Variants in UBE2U observed in about 807,000 individuals in gnomAD.
The protein encoded by UBE2U is ubiquitin conjugating enzyme E2 U.
A neutral mutation model predicts 41.2 loss-of-function variants in UBE2U; 39 were observed. The ratio of observed to expected loss-of-function variants is 0.95; its 90% CI spans 0.73 to 1.24. The LOEUF is 1.24. UBE2U is among the 50% of genes most tolerant of loss of function. UBE2U has a pLI of 0.00. For missense variants in UBE2U, 336 were observed against 363.1 expected (o/e 0.93, Z 0.61); for synonymous variants, 107 against 117.8 (o/e 0.91, Z 0.60).
At chr1:64,250,347 C>A (rs1019224179) in intron 8 of UBE2U, among the ~76,000 whole-genome samples, 1 of 152,150 alleles carries the variant, frequency 6.6e-6, no homozygotes, top group Non-Finnish European at 1.5e-5. Context: ...TAAAAGCCTT[C>A]ACACAAAGAC....
chr1:64,205,851 C>T (rs1332103958), intron 2 of UBE2U, 131 bp downstream of exon 2: 7 of 586,880 alleles, frequency 1.2e-5, no homozygotes, highest in Non-Finnish European at 1.9e-5. Context: ...CATAAGTTTG[C>T]ATTATACCAG....
intron 6 of UBE2U, among the ~76,000 whole-genome samples, chr1:64,226,747 A>C (rs1652899722): frequency 6.6e-6 from 1 of 152,180 alleles, no homozygotes; most frequent in African/African-American, 2.4e-5. Flanking sequence ...TTAAAAAAAA[A>C]AAAAAGGTAT....
intron 4 of UBE2U, among the ~76,000 whole-genome samples, chr1:64,211,320 G>A (rs1235002852): frequency 6.6e-6 from 1 of 152,180 alleles, no homozygotes; most frequent in Non-Finnish European, 1.5e-5. Flanking sequence ...ATCAAACCCA[G>A]TGAACAATTT....
At chr1:64,260,097 A>G (rs940319627) in intron 8 of UBE2U, among the ~76,000 whole-genome samples, 10 of 152,040 alleles carry the variant, frequency 6.6e-5, no homozygotes, top group Non-Finnish European at 1.0e-4. Context: ...ATGCAGCTAT[A>G]AGCCATACAA....
intron 2 of UBE2U, among the ~76,000 whole-genome samples, chr1:64,206,391 G>T (rs1241685471): frequency 6.6e-6 from 1 of 151,888 alleles, no homozygotes; most frequent in African/African-American, 2.4e-5. Flanking sequence ...GAATCTGCCA[G>T]GTTCAGAAGA....
chr1:64,228,681 T>G (rs1416993507), intron 6 of UBE2U, among the ~76,000 whole-genome samples: 2 of 126,564 alleles, frequency 1.6e-5, no homozygotes, highest in Non-Finnish European at 3.1e-5. Context: ...TTTCTCTCTC[T>G]CTCTCTTTTT....
At chr1:64,251,653 T>TGAG in intron 8 of UBE2U, among the ~76,000 whole-genome samples, 1 of 151,908 alleles carries the variant, frequency 6.6e-6, no homozygotes, top group East Asian at 1.9e-4. Context: ...AGGCAGTGAG[T>TGAG]GAGTGTGTGA....
intron 7 of UBE2U, among the ~76,000 whole-genome samples, chr1:64,237,000 G>A (rs962313480): frequency 6.6e-6 from 1 of 152,130 alleles, no homozygotes. Context: ...CCAAGGCTGG[G>A]AAGGTCCTAG....
At chr1:64,242,279 T>G (rs1644848023) in intron 8 of UBE2U, among the ~76,000 whole-genome samples, 1 of 152,186 alleles carries the variant, frequency 6.6e-6, no homozygotes, top group South Asian at 2.1e-4. Flanking sequence ...TAATCTCATC[T>G]TTGGTCTTTT....
intron 9 of UBE2U, among the ~76,000 whole-genome samples, chr1:64,264,276 G>A (rs1333892526): frequency 6.6e-6 from 1 of 152,140 alleles, no homozygotes; most frequent in African/African-American, 2.4e-5. Context: ...TCCAACCCAA[G>A]AAAGGCATGG....
chr1:64,219,348 C>A (rs1652256795), intron 5 of UBE2U, among the ~76,000 whole-genome samples: 2 of 151,696 alleles, frequency 1.3e-5, no homozygotes, highest in Admixed American at 6.6e-5. Context: ...TTTAAACCTT[C>A]TTTTTATTCC....
intron 7 of UBE2U, among the ~76,000 whole-genome samples, chr1:64,237,384 T>C (rs1005849361): frequency 6.6e-6 from 1 of 150,644 alleles, no homozygotes; most frequent in Non-Finnish European, 1.5e-5. Flanking sequence ...AGAAGAACTA[T>C]ACTGTGGATG....
At chr1:64,216,666 T>C (rs1406298940) in intron 5 of UBE2U, among the ~76,000 whole-genome samples, 1 of 152,254 alleles carries the variant, frequency 6.6e-6, no homozygotes, top group East Asian at 1.9e-4. Flanking sequence ...CTGGAATTAA[T>C]TTTATTGTCC....
At position 64,267,168 on chromosome 1, in the gene UBE2U, C is replaced by G; in HGVS notation, c.914C>G (p.Ser305Cys). ...PREEEVEDLI[S>C]WTNTLNTNTS... ...GAAGAGGAAGTGGAAGATCTGATCT[C>G]CTGGACCAATACTCTCAATACAAAT... The change falls in exon 10 of 10, where the codon TCC becomes TGC. Residue 305 changes from serine to cysteine, a missense_variant. By Grantham distance (112) the Ser-to-Cys change is moderately radical. Transcript: ENST00000371077. The G allele has an allele frequency of 6.5e-7, 1 of 1,544,438 alleles. No individual in the cohort carries two copies. Among genetic ancestry groups the G allele is most frequent in the Non-Finnish European group, 8.7e-7 (1 of 1,145,550 alleles).
At chr1:64,266,804 A>T (rs1645261232) in intron 9 of UBE2U, among the ~76,000 whole-genome samples, 1 of 152,226 alleles carries the variant, frequency 6.6e-6, no homozygotes, top group Non-Finnish European at 1.5e-5. Context: ...TGCTAAATGA[A>T]TGAACTAACA....
At position 64,221,911 on chromosome 1, in the gene UBE2U, CTG is replaced by C. The variant is rs1267466527; in HGVS notation, c.506+1006_506+1007del. 1.1e-4 allele frequency among the ~76,000 whole-genome samples: 17 copies of C among 151,972 alleles called. No homozygotes were observed. In the East Asian group the frequency reaches 1.2e-3, roughly 10 times the overall value. On this transcript the variant is annotated intron_variant, in intron 6 of 9. Transcript: ENST00000371077. ...ACCATCCTGGCTAACATGGTGAAAC[CTG>C]TCTCTACTAAAAAATACAAAAAAAT...
intron 4 of UBE2U, among the ~76,000 whole-genome samples, chr1:64,213,823 G>T (rs1651804452): frequency 6.6e-6 from 1 of 152,080 alleles, no homozygotes; most frequent in Admixed American, 6.6e-5. Flanking sequence ...AAACCAAGAT[G>T]GTATAGCTTA....
intron 7 of UBE2U, among the ~76,000 whole-genome samples, chr1:64,236,404 C>A (rs893932208): frequency 1.1e-4 from 16 of 152,130 alleles, no homozygotes; most frequent in Non-Finnish European, 1.6e-4. Flanking sequence ...GAAGTACATG[C>A]AGCATATTTG....
chr1:64,234,176 ACCTATGTG>A (rs1644623572), intron 7 of UBE2U, among the ~76,000 whole-genome samples: 1 of 152,268 alleles, frequency 6.6e-6, no homozygotes, highest in East Asian at 1.9e-4. Context: ...GGGACATCTC[ACCTATGTG>A]TATTATAGGC....
Sources: allele counts gnomAD v4.1 joint callset (sites outside exome capture counted in the v4.1 genomes callset), GRCh38; gene constraint gnomAD v4.1.1; transcripts MANE v1.5; gene names NCBI Gene and HGNC (gene_info 2026-07-23, HGNC 2026-07-21).